PCDHGB1: variants seen among roughly 807,000 people sequenced by gnomAD.
The protein encoded by PCDHGB1 is protocadherin gamma subfamily B, 1, also known as protocadherin gamma-B1.
PCDHGB1 carries 34 observed loss-of-function variants against 56.6 expected under a neutral mutation model. The ratio of observed to expected loss-of-function variants is 0.60; its 90% CI spans 0.46 to 0.80. The LOEUF (loss-of-function observed/expected upper bound fraction) is 0.80. Among genes scored for constraint, PCDHGB1 ranks in the 30% least tolerant of loss-of-function variants. The pLI, the probability that PCDHGB1 is intolerant of heterozygous loss-of-function variation, is 0.00. For synonymous variants in PCDHGB1, 561 were observed against 505.9 expected, an observed-to-expected ratio of 1.11 and a Z score of -1.46; for missense variants, 1,278 against 1,204.6, an observed-to-expected ratio of 1.06 and a Z score of -0.90.
At chr5:141,408,527 G>A in intron 1 of PCDHGB1, 1 of 1,614,072 alleles carries the variant, frequency 6.2e-7, no homozygotes, top group South Asian at 1.1e-5. Flanking sequence ...ATTGGAAGCT[G>A]TGGTGGAAAA....
intron 1 of PCDHGB1, among the ~76,000 whole-genome samples, chr5:141,481,215 G>T (rs1238465869): frequency 6.6e-6 from 1 of 152,152 alleles, no homozygotes; most frequent in Non-Finnish European, 1.5e-5. Context: ...AACATGGTAA[G>T]GTCTCCCAGC....
rs551458033 is a variant in PCDHGB1 at position 141,361,995 on chromosome 5, G to C, written c.2409+9326G>C. The C allele has an allele frequency of 8.7e-6, 14 of 1,603,208 alleles. No individual in the cohort carries two copies. The East Asian group carries it at 2.5e-4, about 28-fold the overall frequency. On this transcript the variant is annotated intron_variant, in intron 1 of 3. Coordinates refer to ENST00000523390, the MANE Select transcript of PCDHGB1 (RefSeq NM_018922.3). ...GCGAGCCCGGGCTCTTCAGCCTGGG[G>C]TTGCGCACGGGTGAGGTGCGCACAG... is the stretch of plus-strand genomic sequence containing the variant.
At chr5:141,453,919 C>T (rs142719452) in intron 1 of PCDHGB1, among the ~76,000 whole-genome samples, 2 of 152,318 alleles carry the variant, frequency 1.3e-5, no homozygotes, top group African/African-American at 4.8e-5. Flanking sequence ...TGTCAGTGAT[C>T]AGTCACTGTG....
At chr5:141,395,547 TGTGTGTGTGTGTGTGTGTG>T (rs2093270842) in intron 1 of PCDHGB1, 3 of 174,256 alleles carry the variant, frequency 1.7e-5, no homozygotes, top group Non-Finnish European at 3.5e-5. Flanking sequence ...ATTGTTTGTG[TGTGTGTGTGTGTGTGTGTG>T]TGTGTGTGTG....
At chr5:141,384,011 T>C in intron 1 of PCDHGB1, 1 of 1,613,766 alleles carries the variant, frequency 6.2e-7, no homozygotes, top group Non-Finnish European at 8.5e-7. Context: ...CTTTTCTACC[T>C]ACAAGACAGA....
intron 1 of PCDHGB1, chr5:141,408,674 A>C (rs1005052894): frequency 6.2e-7 from 1 of 1,613,882 alleles, no homozygotes; most frequent in African/African-American, 1.3e-5. Flanking sequence ...TGACCCTGCC[A>C]CGGATCCTGA....
chr5:141,419,638 C>G, intron 1 of PCDHGB1: 1 of 1,612,456 alleles, frequency 6.2e-7, no homozygotes, highest in Non-Finnish European at 8.5e-7. Context: ...AGGTGGTGGC[C>G]GTGGACGCGG....
At chr5:141,494,181 C>T (rs2099752517) in intron 1 of PCDHGB1, among the ~76,000 whole-genome samples, 1 of 152,136 alleles carries the variant, frequency 6.6e-6, no homozygotes, top group Non-Finnish European at 1.5e-5. Flanking sequence ...GAGAAGTGTC[C>T]CGGGACTTGG....
chr5:141,465,574 C>T (rs1477852984), intron 1 of PCDHGB1, among the ~76,000 whole-genome samples: 2 of 152,160 alleles, frequency 1.3e-5, no homozygotes, highest in Admixed American at 1.3e-4. Context: ...TTTCTCAAAA[C>T]ACTCTCATAA....
chr5:141,428,117 G>A lies in PCDHGB1; in HGVS notation c.2410-66690G>A, dbSNP rs980705077. 5 of 1,606,984 alleles carry A rather than the reference G, an allele frequency of 3.1e-6. No individual in the cohort carries two copies. The African/African-American group carries it at 6.7e-5, about 21-fold the overall frequency. Reference sequence around the variant, plus strand: ...CCTACCACGTGCTGCAGGCCATCGAGCCCGGGCTTTTCAGCCTGGGGCTGC... The same window carrying A: ...CCTACCACGTGCTGCAGGCCATCGAACCCGGGCTTTTCAGCCTGGGGCTGC... On this transcript the variant is annotated intron_variant, in intron 1 of 3. Coordinates refer to ENST00000523390, the MANE Select transcript of PCDHGB1 (RefSeq NM_018922.3).
At chr5:141,355,397 T>C (rs1364667381) in intron 1 of PCDHGB1, 2 of 1,614,048 alleles carry the variant, frequency 1.2e-6, no homozygotes, top group Non-Finnish European at 1.7e-6. Flanking sequence ...GGAGTCCGCA[T>C]CGTCTCCAGA....
At chr5:141,447,027 T>TG (rs563674341) in intron 1 of PCDHGB1, among the ~76,000 whole-genome samples, 103 of 152,252 alleles carry the variant, frequency 6.8e-4, no homozygotes, top group South Asian at 2.3e-3. Flanking sequence ...TGTTTTGTTT[T>TG]TTTTCTGTGT....
intron 1 of PCDHGB1, among the ~76,000 whole-genome samples, chr5:141,488,398 A>T (rs2099675065): frequency 6.6e-6 from 1 of 152,192 alleles, no homozygotes; most frequent in African/African-American, 2.4e-5. Flanking sequence ...GAAACCATGA[A>T]ACCTAGAAGC....
At chr5:141,383,694 T>C (rs369728109) in intron 1 of PCDHGB1, 13 of 1,613,890 alleles carry the variant, frequency 8.1e-6, no homozygotes, top group Middle Eastern at 1.6e-4. Context: ...TCACGGTACA[T>C]GCTATCGACC....
intron 1 of PCDHGB1, chr5:141,387,998 C>T: frequency 6.7e-7 from 1 of 1,485,204 alleles, no homozygotes; most frequent in South Asian, 1.3e-5. Flanking sequence ...ACAGGATTCC[C>T]GAGGAAATGC....
At chr5:141,448,999 GT>G (rs910018882) in intron 1 of PCDHGB1, among the ~76,000 whole-genome samples, 2 of 151,816 alleles carry the variant, frequency 1.3e-5, no homozygotes, top group African/African-American at 4.8e-5. Context: ...ATAGAAAGCT[GT>G]TTTTTTTAAC....
At position 141,487,507 on chromosome 5, in the gene PCDHGB1, A is replaced by C; in HGVS notation, c.2410-7300A>C. 6.2e-7 allele frequency: 1 copy of C among 1,614,138 alleles called. No individual in the cohort carries two copies. Among genetic ancestry groups the C allele is most frequent in the Non-Finnish European group, 8.5e-7 (1 of 1,180,028 alleles). On this transcript the variant is annotated intron_variant, in intron 1 of 3. Coordinates refer to ENST00000523390, the MANE Select transcript of PCDHGB1 (RefSeq NM_018922.3). This position sits in a 1 kb window ranked among gnomAD's most constrained non-coding sequence, Gnocchi z 5.0. ...ATGGCTGTACACCCTTGGCTTCTGC[A>C]CCCACTCGGAGTGATAGCTTCATGA...
At chr5:141,403,738 T>G in intron 1 of PCDHGB1, 3 of 1,613,930 alleles carry the variant, frequency 1.9e-6, no homozygotes, top group Admixed American at 3.3e-5. Context: ...CCTGGCTGCT[T>G]ACTGCAACAG....
At position 141,352,497 on chromosome 5, in the gene PCDHGB1, A is replaced by G. The variant is rs932684765; in HGVS notation, c.2237A>G (p.Tyr746Cys). ...AACCACAGCGAGGGGACTTTGCCCT[A>G]TTCCTACAATCTATGTATTGCCTCT... is the stretch of plus-strand genomic sequence containing the variant. ...PPNHSEGTLP[Y>C]SYNLCIASHS... is the part of the protein sequence containing the mutation. The change falls in exon 1 of 4, where the codon TAT (tyrosine) becomes TGT (cysteine). Residue 746 changes from tyrosine (Y) to cysteine (C), a missense_variant. Coordinates refer to ENST00000523390, the MANE Select transcript of PCDHGB1 (RefSeq NM_018922.3). The G allele has an allele frequency of 2.5e-6, 4 of 1,613,910 alleles. No homozygotes were observed. In the African/African-American group the frequency reaches 4.0e-5, roughly 16 times the overall value.
Sources: allele counts gnomAD v4.1 joint callset (sites outside exome capture counted in the v4.1 genomes callset), GRCh38; gene constraint gnomAD v4.1.1; non-coding constraint Gnocchi (gnomAD v3.1); transcripts MANE v1.5; gene names NCBI Gene and HGNC (gene_info 2026-07-23, HGNC 2026-07-21).